The following DGKH variants were observed in gnomAD, a reference collection of about 807,000 sequenced individuals.
DGKH encodes DAG kinase eta.
Under a neutral mutation model 159.3 loss-of-function variants are expected in DGKH, and 90 were observed. The ratio of observed to expected loss-of-function variants is 0.57; its 90% CI spans 0.48 to 0.67. The LOEUF (loss-of-function observed/expected upper bound fraction) is 0.67, where lower values mean the gene tolerates loss of function less well. Ranked by LOEUF, DGKH falls within the 30% of genes least tolerant of loss-of-function variation. The pLI is 0.00. For synonymous variants in DGKH, 536 were observed against 553.8 expected, an observed-to-expected ratio of 0.97 and a Z score of 0.45; for missense variants, 1,181 against 1,506.1, an observed-to-expected ratio of 0.78 and a Z score of 3.57.
chr13:42,053,372 ATAAC>A (rs1485227263), intron 1 of DGKH, among the ~76,000 whole-genome samples: 1 of 147,660 alleles, frequency 6.8e-6, no homozygotes, highest in Non-Finnish European at 1.5e-5. Flanking sequence ...AACTATATAT[ATAAC>A]TATATATAAC....
chr13:42,070,732 T>G, intron 1 of DGKH: 1 of 1,606,926 alleles, frequency 6.2e-7, no homozygotes, highest in South Asian at 1.1e-5. Context: ...TAAAGGGCCC[T>G]GCTCCAGCAC....
intron 11 of DGKH, 70 bp from the exon 12 acceptor site, chr13:42,173,990 T>C: frequency 9.3e-7 from 1 of 1,080,726 alleles, no homozygotes; most frequent in Non-Finnish European, 1.4e-6. Context: ...TGTGCGCGTT[T>C]ATGAGATGCT....
intron 1 of DGKH, among the ~76,000 whole-genome samples, chr13:42,090,888 T>C (rs1302257142): frequency 6.6e-6 from 1 of 152,096 alleles, no homozygotes; most frequent in East Asian, 1.9e-4. Flanking sequence ...ATGGGTGTGC[T>C]TCTCTTCTGC....
At chr13:42,251,305 G>A (rs1200029424) in intron 29 of DGKH, among the ~76,000 whole-genome samples, 1 of 152,078 alleles carries the variant, frequency 6.6e-6, no homozygotes, top group South Asian at 2.1e-4. Flanking sequence ...GCAAAACACC[G>A]TCTGTACTGA....
At chr13:42,054,975 C>G (rs1334267665) in intron 1 of DGKH, among the ~76,000 whole-genome samples, 1 of 152,136 alleles carries the variant, frequency 6.6e-6, no homozygotes, top group Non-Finnish European at 1.5e-5. Flanking sequence ...TCCAACAAAA[C>G]TTTATTTAAG....
At chr13:42,143,371 G>A (rs553640071) in intron 3 of DGKH, among the ~76,000 whole-genome samples, 9 of 151,998 alleles carry the variant, frequency 5.9e-5, no homozygotes, top group East Asian at 1.9e-4. Flanking sequence ...TTTTTTTGTC[G>A]TGTCTCTGCC....
chr13:42,151,443 A>T (rs1955879506), intron 3 of DGKH, among the ~76,000 whole-genome samples: 1 of 146,202 alleles, frequency 6.8e-6, no homozygotes, highest in South Asian at 2.2e-4. Context: ...AGAAGACATG[A>T]TTTTATTCTT....
In DGKH at chr13:42,237,038, G is replaced by A. The variant is rs1173610937; in HGVS notation, c.*7850G>A. 2 of 152,128 alleles carry A rather than the reference G, an allele frequency of 1.3e-5. No individual in the cohort carries two copies. The highest frequency in any genetic ancestry group is 2.9e-5 in the Non-Finnish European group (2 of 68,014). The allele number at this position is 152,128 out of a possible 1,614,324, so 9.4% of individuals were successfully genotyped here. ...CCGTTATGGATAATTGTTTGTTTCT[G>A]TCAAGTCGGTGAGATTTTAATTGTT... On this transcript the variant is annotated 3_prime_UTR_variant, in exon 30 of 30. Transcript: ENST00000337343.
intron 3 of DGKH, chr13:42,140,808 G>A (rs763394049): frequency 3.3e-5 from 5 of 151,944 alleles, no homozygotes; most frequent in Non-Finnish European, 7.4e-5. Context: ...GCAGACTAAA[G>A]CCTCAAACTC....
intron 24 of DGKH, among the ~76,000 whole-genome samples, chr13:42,213,656 C>G (rs1347823170): frequency 6.6e-6 from 1 of 152,114 alleles, no homozygotes; most frequent in Admixed American, 6.6e-5. Flanking sequence ...TTTCTTTACT[C>G]TTGGTTCAGC....
At chr13:42,211,362 T>C (rs1957654277) in intron 24 of DGKH, among the ~76,000 whole-genome samples, 1 of 152,198 alleles carries the variant, frequency 6.6e-6, no homozygotes, top group Non-Finnish European at 1.5e-5. Context: ...CATTTTCATA[T>C]GGCTATGAAG....
chr13:42,105,972 T>A (rs1242315653), intron 1 of DGKH, among the ~76,000 whole-genome samples: 1 of 152,180 alleles, frequency 6.6e-6, no homozygotes, highest in African/African-American at 2.4e-5. Flanking sequence ...AAACCTGATT[T>A]TTACCTTGGA....
chr13:42,172,056 C>CTCT (rs1956472342), intron 11 of DGKH, among the ~76,000 whole-genome samples: 1 of 148,068 alleles, frequency 6.8e-6, no homozygotes, highest in Non-Finnish European at 1.5e-5. Context: ...TCTTGATCTC[C>CTCT]TGACCTCGTG....
chr13:42,228,098 A>C (rs1044335473), intron 29 of DGKH, among the ~76,000 whole-genome samples: 5 of 152,148 alleles, frequency 3.3e-5, no homozygotes, highest in African/African-American at 9.7e-5. Flanking sequence ...TGTTTCTTTT[A>C]GTTTTTCAGA....
intron 13 of DGKH, among the ~76,000 whole-genome samples, chr13:42,179,312 A>G (rs1956686881): frequency 6.6e-6 from 1 of 152,238 alleles, no homozygotes; most frequent in Admixed American, 6.5e-5. Context: ...TCATGCAACT[A>G]AAATAAAATA....
In DGKH at chr13:42,219,343, G is replaced by A. The variant is rs180870; in HGVS notation, c.3327G>A (p.Glu1109=). Residue 1109 remains glutamate, a synonymous_variant, in exon 27 of 30, where the codon GAG becomes GAA. Coordinates refer to ENST00000337343, the MANE Select transcript of DGKH (RefSeq NM_178009.5). ...TTTATTATATCTTACACCCAAATGAGGATGAGGTATGTAAAATTCAGCCTG... is the reference window on the plus strand; with the variant it reads ...TTTATTATATCTTACACCCAAATGAAGATGAGGTATGTAAAATTCAGCCTG... ...PWLYYILHPN[E]DEEPPMDCTK... is the part of the protein sequence containing the mutation. 1,071,465 of 1,612,736 alleles carry A rather than the reference G, an allele frequency of 0.66. 358,502 individuals are homozygous for A. Among genetic ancestry groups the A allele is most frequent in the East Asian group, 0.74 (33,345 of 44,838 alleles).
At chr13:42,171,781 T>A (rs1956460920) in intron 11 of DGKH, among the ~76,000 whole-genome samples, 1 of 152,074 alleles carries the variant, frequency 6.6e-6, no homozygotes, top group South Asian at 2.1e-4. Context: ...ATATAGTATA[T>A]CTGCTGCATG....
chr13:42,187,546 T>A (rs1325062374), intron 14 of DGKH, among the ~76,000 whole-genome samples: 1 of 152,112 alleles, frequency 6.6e-6, no homozygotes, highest in Non-Finnish European at 1.5e-5. Context: ...CAAATAATTT[T>A]TGTATTTCTA....
chr13:42,188,691 A>G (rs1189891254), intron 14 of DGKH, among the ~76,000 whole-genome samples: 1 of 152,204 alleles, frequency 6.6e-6, no homozygotes. Flanking sequence ...TATTATAAAG[A>G]TGTTTTTCCC....
Sources: allele counts gnomAD v4.1 joint callset (sites outside exome capture counted in the v4.1 genomes callset), GRCh38; gene constraint gnomAD v4.1.1; transcripts MANE v1.5; gene names NCBI Gene and HGNC (gene_info 2026-07-23, HGNC 2026-07-21).